DLGAP2: variants seen among roughly 807,000 people sequenced by gnomAD.
The protein encoded by DLGAP2 is DLG associated protein 2, also known as disks large-associated protein 2.
In DLGAP2, 26 loss-of-function variants were observed where a neutral mutation model predicts 100.3. The observed-to-expected ratio is 0.26, with a 90% CI of 0.19 to 0.36. DLGAP2 has a LOEUF of 0.36. Among genes scored for constraint, DLGAP2 ranks in the 10% least tolerant of loss-of-function variants. DLGAP2 has a pLI of 1.00. For synonymous variants in DLGAP2, 886 were observed against 630.1 expected (o/e 1.41, Z -6.08); for missense variants, 1,858 against 1,453.2 (o/e 1.28, Z -4.53).
intron 8 of DLGAP2, among the ~76,000 whole-genome samples, chr8:1,661,912 C>T (rs1049906429): frequency 6.6e-6 from 1 of 152,224 alleles, no homozygotes; most frequent in Non-Finnish European, 1.5e-5. Flanking sequence ...CTGCAAAGCC[C>T]GCTGCTCACA....
intron 2 of DLGAP2, among the ~76,000 whole-genome samples, chr8:952,902 A>G (rs1021788735): frequency 6.6e-6 from 1 of 152,206 alleles, no homozygotes; most frequent in African/African-American, 2.4e-5. Context: ...GAGTTAGGCC[A>G]TATTGATAAA....
chr8:1,203,752 G>A (rs1797932642), intron 2 of DLGAP2, among the ~76,000 whole-genome samples: 1 of 152,304 alleles, frequency 6.6e-6, no homozygotes, highest in Non-Finnish European at 1.5e-5. Context: ...ACTTTACAGT[G>A]ATGAAATATC....
chr8:1,528,009 A>G (rs1381161202), intron 4 of DLGAP2, among the ~76,000 whole-genome samples: 2 of 152,262 alleles, frequency 1.3e-5, no homozygotes, highest in Non-Finnish European at 2.9e-5. Context: ...AGCTAAAAGA[A>G]AAAAGTCCTT....
intron 2 of DLGAP2, among the ~76,000 whole-genome samples, chr8:1,170,587 C>CAA (rs1797108567): frequency 7.2e-6 from 1 of 138,704 alleles, no homozygotes; most frequent in Non-Finnish European, 1.6e-5. Flanking sequence ...TTCAGAGATT[C>CAA]AGCTTCTTCC....
At chr8:916,329 A>G (rs1482768398) in intron 2 of DLGAP2, among the ~76,000 whole-genome samples, 2 of 152,242 alleles carry the variant, frequency 1.3e-5, no homozygotes, top group Admixed American at 1.3e-4. Flanking sequence ...CATATGCACC[A>G]TGGAATACTA....
At chr8:1,039,445 T>C (rs1340283470) in intron 2 of DLGAP2, among the ~76,000 whole-genome samples, 2 of 128,808 alleles carry the variant, frequency 1.6e-5, no homozygotes, top group African/African-American at 3.0e-5. Context: ...GCTCGGTGTG[T>C]GTGGTTGGCT....
chr8:1,202,274 CTGTG>C (rs1563250473), intron 2 of DLGAP2, among the ~76,000 whole-genome samples: 8 of 127,492 alleles, frequency 6.3e-5, no homozygotes, highest in South Asian at 5.3e-4. Flanking sequence ...GTGTGTGTGT[CTGTG>C]GTGCATGTAT....
chr8:1,120,599 C>G (rs933497733), intron 2 of DLGAP2, among the ~76,000 whole-genome samples: 1 of 151,980 alleles, frequency 6.6e-6, no homozygotes, highest in African/African-American at 2.4e-5. Context: ...ACCACCCATC[C>G]TTGCCCATTA....
intron 6 of DLGAP2, among the ~76,000 whole-genome samples, chr8:1,594,499 C>T (rs1426488929): frequency 6.6e-6 from 1 of 152,070 alleles, no homozygotes; most frequent in Non-Finnish European, 1.5e-5. Flanking sequence ...CAGAAGAAAG[C>T]ATCGGTGAAC....
rs1799669349 is a variant in DLGAP2 at position 1,705,067 on chromosome 8, T to C, written c.*3661T>C. 1 of 152,206 alleles carries C rather than the reference T, an allele frequency of 6.6e-6. No homozygotes were observed. Among genetic ancestry groups the C allele is most frequent in the Non-Finnish European group, 1.5e-5 (1 of 68,054 alleles). 9.4% of individuals were successfully genotyped at this position (152,206 alleles called of 1,614,324 possible). A position where few individuals can be genotyped will look rare whatever the true frequency, so the allele number is the denominator to read the frequency against. Reference sequence around the variant, plus strand: ...TAAGCATCGCTACCCGAGTCCAGGATGGAATTTCACAGGAAAGTGAAGGGA... The same window carrying C: ...TAAGCATCGCTACCCGAGTCCAGGACGGAATTTCACAGGAAAGTGAAGGGA... On this transcript the variant is annotated 3_prime_UTR_variant, in exon 15 of 15. Coordinates refer to ENST00000637795, the MANE Select transcript of DLGAP2 (RefSeq NM_001346810.2).
In DLGAP2 at chr8:1,064,963, G is replaced by C. The variant is rs529801848; in HGVS notation, c.73+156997G>C. ...GTATCATGAGAGGTGTAGAAAGGTG[G>C]TTTGAAAGGCATGCTGTGCATTCAC... On this transcript the variant is annotated intron_variant, in intron 2 of 14. Transcript: ENST00000637795. Among the ~76,000 whole-genome samples the C allele has an allele frequency of 3.9e-5, 6 of 152,290 alleles. No individual in the cohort carries two copies. The South Asian group carries it at 1.2e-3, about 32-fold the overall frequency.
intron 2 of DLGAP2, among the ~76,000 whole-genome samples, chr8:919,478 G>A (rs1351305975): frequency 1.3e-5 from 2 of 152,194 alleles, no homozygotes; most frequent in African/African-American, 4.8e-5. Flanking sequence ...CACTGCTGAT[G>A]AGCTCCAAGG....
intron 1 of DLGAP2, among the ~76,000 whole-genome samples, chr8:896,747 C>T (rs1373171558): frequency 2.6e-5 from 4 of 152,132 alleles, no homozygotes; most frequent in South Asian, 2.1e-4. Context: ...CCGTCACCTC[C>T]GCGCTGGACC....
At chr8:1,119,905 C>A (rs1795995613) in intron 2 of DLGAP2, among the ~76,000 whole-genome samples, 1 of 152,152 alleles carries the variant, frequency 6.6e-6, no homozygotes, top group African/African-American at 2.4e-5. Context: ...GGACTTCTCA[C>A]TAGAAAGGTT....
At chr8:1,317,918 A>G (rs1375005132) in intron 3 of DLGAP2, among the ~76,000 whole-genome samples, 1 of 110,340 alleles carries the variant, frequency 9.1e-6, no homozygotes, top group African/African-American at 4.0e-5. Flanking sequence ...TCTACACTCG[A>G]GACACTCGTC....
chr8:880,299 G>A (rs1332501261), intron 1 of DLGAP2, among the ~76,000 whole-genome samples: 1 of 152,166 alleles, frequency 6.6e-6, no homozygotes, highest in Non-Finnish European at 1.5e-5. Context: ...TGTGCATCCT[G>A]CCACCGAGGC....
intron 2 of DLGAP2, among the ~76,000 whole-genome samples, chr8:1,127,878 A>G (rs1365256003): frequency 6.6e-6 from 1 of 152,242 alleles, no homozygotes; most frequent in East Asian, 1.9e-4. Context: ...AAGAGTCTGA[A>G]CTAAGAGTCT....
chr8:1,489,996 G>C (rs1312356269), intron 3 of DLGAP2, among the ~76,000 whole-genome samples: 1 of 151,958 alleles, frequency 6.6e-6, no homozygotes, highest in Non-Finnish European at 1.5e-5. Flanking sequence ...GGTTCAAGCA[G>C]TTCTCCTGCC....
At chr8:819,204 G>A (rs1796540739) in intron 1 of DLGAP2, among the ~76,000 whole-genome samples, 2 of 152,208 alleles carry the variant, frequency 1.3e-5, no homozygotes, top group African/African-American at 2.4e-5. Flanking sequence ...TGCCTCATAA[G>A]TGCAATGTTA....
Sources: allele counts gnomAD v4.1 joint callset (sites outside exome capture counted in the v4.1 genomes callset), GRCh38; gene constraint gnomAD v4.1.1; transcripts MANE v1.5; gene names NCBI Gene and HGNC (gene_info 2026-07-23, HGNC 2026-07-21).